Variants in SDK2 observed in about 807,000 individuals in gnomAD.
SDK2 encodes the protein protein sidekick-2.
In SDK2, 105 loss-of-function variants were observed where a neutral mutation model predicts 253.9. The observed-to-expected ratio is 0.41, with a 90% confidence interval of 0.35 to 0.49. SDK2 has a LOEUF of 0.49. SDK2 is among the 20% of genes least tolerant of loss of function. SDK2 has a pLI of 0.06. For missense variants in SDK2, 2,608 were observed against 3,003.0 expected, an observed-to-expected ratio of 0.87 and a Z score of 3.07; for synonymous variants, 1,249 against 1,234.9, an observed-to-expected ratio of 1.01 and a Z score of -0.24.
At chr17:73,595,970 G>C (rs2045752552) in intron 1 of SDK2, among the ~76,000 whole-genome samples, 1 of 148,316 alleles carries the variant, frequency 6.7e-6, no homozygotes, top group Non-Finnish European at 1.5e-5. Context: ...TGACACATAG[G>C]ATTGCAGAAG....
At chr17:73,531,876 AC>A (rs1319967529) in intron 1 of SDK2, among the ~76,000 whole-genome samples, 1 of 152,074 alleles carries the variant, frequency 6.6e-6, no homozygotes. Flanking sequence ...CTGTCAATCC[AC>A]TGCCTGATGC....
chr17:73,407,274 A>G (rs978507687), intron 18 of SDK2, among the ~76,000 whole-genome samples: 1 of 152,192 alleles, frequency 6.6e-6, no homozygotes, highest in Non-Finnish European at 1.5e-5. Flanking sequence ...AGTCTGGAAC[A>G]TCTTGTCATA....
rs943512167 is a variant in SDK2, at chr17:73,541,629, G to A, written c.65-34032C>T. On this transcript the variant is annotated intron_variant, in intron 1 of 44. Coordinates refer to ENST00000392650, the MANE Select transcript of SDK2 (RefSeq NM_001144952.2). The surrounding 1 kb of genome is among the most constrained non-coding windows in gnomAD (Gnocchi z 4.3). ...TCTCCCTGCTGGCTCTTCATTTCTC[G>A]TGGCGTGTTTACCTTCCTGATTTTG... Among the ~76,000 whole-genome samples the A allele has an allele frequency of 1.3e-5, 2 of 151,938 alleles. No homozygotes were observed. The highest frequency in any genetic ancestry group is 6.6e-5 in the Admixed American group (1 of 15,266).
In SDK2 at chr17:73,473,506, C is replaced by T. The variant is rs1436736211; in HGVS notation, c.225-1288G>A. ...CAGACCTGGTGGACAAGTTCCTTGACACCTGCCTCTAGGGTATCTCTAGAT... is the reference window on the plus strand; with the variant it reads ...CAGACCTGGTGGACAAGTTCCTTGATACCTGCCTCTAGGGTATCTCTAGAT... On this transcript the variant is annotated intron_variant, in intron 2 of 44. Coordinates refer to ENST00000392650, the MANE Select transcript of SDK2 (RefSeq NM_001144952.2). 2.0e-5 allele frequency among the ~76,000 whole-genome samples: 3 copies of T among 152,186 alleles called. No individual in the cohort carries two copies. In the East Asian group the frequency reaches 5.8e-4, roughly 29 times the overall value.
intron 36 of SDK2, among the ~76,000 whole-genome samples, chr17:73,370,191 G>A (rs1192306026): frequency 6.6e-6 from 1 of 152,206 alleles, no homozygotes; most frequent in Non-Finnish European, 1.5e-5. Context: ...GTGGCAGTTA[G>A]GACATCTTGT....
chr17:73,352,751 TC>T lies in SDK2; in HGVS notation c.5594-115del. ...GCTGGGCCTGTTGGATCCTCCCTGCTCCACACTGAATCGCAGGCCTTGGTCC... is the reference window on the plus strand; with the variant it reads ...GCTGGGCCTGTTGGATCCTCCCTGCTCACACTGAATCGCAGGCCTTGGTCC... On this transcript the variant is annotated intron_variant, in intron 40 of 44. Transcript: ENST00000392650. This position sits in a 1 kb window ranked among gnomAD's most constrained non-coding sequence, Gnocchi z 4.1. 9.3e-7 allele frequency: 1 copy of T among 1,073,264 alleles called. No individual in the cohort carries two copies. Among genetic ancestry groups the T allele is most frequent in the Non-Finnish European group, 1.4e-6 (1 of 735,878 alleles). 66.5% of individuals were successfully genotyped at this position (1,073,264 alleles called of 1,614,324 possible). A position where few individuals can be genotyped will look rare whatever the true frequency, so the allele number is the denominator to read the frequency against.
chr17:73,344,315 C>T (rs574218197), intron 44 of SDK2, among the ~76,000 whole-genome samples: 13 of 152,314 alleles, frequency 8.5e-5, no homozygotes, highest in Non-Finnish European at 1.6e-4. Context: ...CACCCACAAC[C>T]GGCTGTCAGA....
intron 2 of SDK2, among the ~76,000 whole-genome samples, chr17:73,475,885 G>C (rs2063682894): frequency 6.6e-6 from 1 of 152,238 alleles, no homozygotes; most frequent in African/African-American, 2.4e-5. Flanking sequence ...ACCGAGGTGG[G>C]CAGATCACTT....
rs543580298 is a variant in SDK2, at chr17:73,435,322, C to A, written c.1195+128G>T. ...TGCCCCCAGGCTGCTGGGCAGCAGG[C>A]GGCCTTTGGGGATCCTATCTGCTTA... is the stretch of plus-strand genomic sequence containing the variant. On this transcript the variant is annotated intron_variant, in intron 9 of 44. Transcript: ENST00000392650. The surrounding 1 kb of genome is among the most constrained non-coding windows in gnomAD (Gnocchi z 5.7). 2.2e-6 allele frequency: 2 copies of A among 895,808 alleles called. No individual in the cohort carries two copies. Among genetic ancestry groups the A allele is most frequent in the African/African-American group, 3.4e-5 (2 of 58,738 alleles). 55.5% of individuals were successfully genotyped at this position (895,808 alleles called of 1,614,324 possible).
Position 73,447,688 on chromosome 17 carries a change from G to A in SDK2, c.540C>T (p.Arg180=), listed in dbSNP as rs575469186. ...TGTCGTTAACAGCCTGCACATAGTAGCGACCTGCGTCAGGGGCCACCGTTG... is the reference window on the plus strand; with the variant it reads ...TGTCGTTAACAGCCTGCACATAGTAACGACCTGCGTCAGGGGCCACCGTTG... ...ILSTVAPDAG[R]YYVQAVNDKN... is the part of the protein sequence containing the mutation. Residue 180 remains arginine, a synonymous_variant, in exon 5 of 45, where the codon CGC becomes CGT. Transcript: ENST00000392650. The surrounding 1 kb of genome is among the most constrained non-coding windows in gnomAD (Gnocchi z 4.0). The A allele has an allele frequency of 6.4e-7, 1 of 1,551,760 alleles. No individual in the cohort carries two copies. Among genetic ancestry groups the A allele is most frequent in the Non-Finnish European group, 8.7e-7 (1 of 1,147,000 alleles).
intron 1 of SDK2, among the ~76,000 whole-genome samples, chr17:73,508,288 A>G (rs917422749): frequency 6.6e-6 from 1 of 151,570 alleles, no homozygotes; most frequent in Admixed American, 6.6e-5. Context: ...AGCCTCGCAG[A>G]CCTCCCTGCC....
chr17:73,623,535 G>A (rs1479161016), intron 1 of SDK2, among the ~76,000 whole-genome samples: 2 of 152,172 alleles, frequency 1.3e-5, no homozygotes, highest in Non-Finnish European at 2.9e-5. Context: ...AAGCCCAGTT[G>A]GACAAGACTG....
rs949891692 is a variant in SDK2 at position 73,383,113 on chromosome 17, C to T, written c.4705+763G>A. ...ATCTCCCATACTGGCCTCGGTCCAC[C>T]CCGAGTCTGTGCCTCGGTTCCAACC... On this transcript the variant is annotated intron_variant, in intron 33 of 44. Transcript: ENST00000392650. The surrounding 1 kb of genome is among the most constrained non-coding windows in gnomAD (Gnocchi z 4.3). Among the ~76,000 whole-genome samples, 3 of 152,188 alleles carry T rather than the reference C, an allele frequency of 2.0e-5. No individual in the cohort carries two copies. The highest frequency in any genetic ancestry group is 6.5e-5 in the Admixed American group (1 of 15,278).
chr17:73,361,660 A>G lies in SDK2; in HGVS notation c.5467+24T>C, dbSNP rs764142165. The G allele has an allele frequency of 2.5e-6, 4 of 1,599,568 alleles. No homozygotes were observed. The East Asian group carries it at 9.0e-5, about 36-fold the overall frequency. The stretch of plus-strand genomic sequence containing the variant: ...GACGCTGAACCGCCGTGTGGAAGAC[A>G]TGCCTGGTCCGTTGCTCTCCTACCT... On this transcript the variant is annotated intron_variant, in intron 39 of 44. Transcript: ENST00000392650. The surrounding 1 kb of genome is among the most constrained non-coding windows in gnomAD (Gnocchi z 4.1).
At chr17:73,450,137 G>T (rs1170962078) in intron 4 of SDK2, among the ~76,000 whole-genome samples, 1 of 152,182 alleles carries the variant, frequency 6.6e-6, no homozygotes, top group East Asian at 1.9e-4. Context: ...GTGGCTGAGA[G>T]TTGGAGGAGG....
At chr17:73,428,475 C>T (rs2063301515) in intron 12 of SDK2, among the ~76,000 whole-genome samples, 1 of 152,142 alleles carries the variant, frequency 6.6e-6, no homozygotes, top group Admixed American at 6.6e-5. Flanking sequence ...ACTCAGGATT[C>T]AGCGGCACCA....
intron 1 of SDK2, among the ~76,000 whole-genome samples, chr17:73,571,618 G>A (rs989636516): frequency 6.6e-6 from 1 of 152,238 alleles, no homozygotes; most frequent in Admixed American, 6.5e-5. Context: ...GCTCTCCACA[G>A]CACTCATTAG....
At position 73,364,052 on chromosome 17, in the gene SDK2, C is replaced by T. The variant is rs983185461; in HGVS notation, c.5305+1206G>A. ...TCTGCCCCTTGTTCTTGCCAGGCTC[C>T]GTGATTGGAGGGGGTGAGAGTGAGA... On this transcript the variant is annotated intron_variant, in intron 38 of 44. Transcript: ENST00000392650. Among the ~76,000 whole-genome samples, 11 of 151,958 alleles carry T rather than the reference C, an allele frequency of 7.2e-5. 1 individual carries two copies. Among genetic ancestry groups the T allele is most frequent in the Admixed American group, 3.3e-4 (5 of 15,232 alleles).
At chr17:73,611,260 A>G (rs2045971111) in intron 1 of SDK2, among the ~76,000 whole-genome samples, 1 of 151,942 alleles carries the variant, frequency 6.6e-6, no homozygotes, top group Non-Finnish European at 1.5e-5. Flanking sequence ...ATGGACAAAG[A>G]CCCCTCACCC....
Sources: gnomAD v4.1 joint callset for allele counts (sites outside exome capture counted in the v4.1 genomes callset) on GRCh38, gnomAD v4.1.1 for gene constraint, Gnocchi (gnomAD v3.1) non-coding constraint, MANE v1.5 for transcripts, NCBI Gene and HGNC (gene_info 2026-07-23, HGNC 2026-07-21) for gene names.